The following GRWD1 variants were observed in gnomAD, a reference collection of about 807,000 sequenced individuals.
GRWD1 encodes glutamate-rich WD repeat-containing protein 1.
Under a neutral mutation model 45.3 loss-of-function variants are expected in GRWD1, and 29 were observed. That is an observed-to-expected ratio of 0.64 (90% confidence interval 0.48 to 0.87). The LOEUF (loss-of-function observed/expected upper bound fraction) is 0.87, where lower values mean the gene tolerates loss of function less well. Ranked by LOEUF, GRWD1 falls within the 40% of genes least tolerant of loss-of-function variation. The probability of loss-of-function intolerance (pLI) is 0.00; values close to 1 mark genes in which losing one functional copy is unlikely to be tolerated. For synonymous variants in GRWD1, 262 were observed against 257.6 expected (o/e 1.02, Z -0.16); for missense variants, 592 against 618.8 (o/e 0.96, Z 0.46).
At position 48,450,974 on chromosome 19, in the gene GRWD1, C is replaced by T. The variant is rs867878115; in HGVS notation, c.826-60C>T. 21 of 1,550,800 alleles carry T rather than the reference C, an allele frequency of 1.4e-5. No homozygotes were observed. The highest frequency in any genetic ancestry group is 9.2e-5 in the South Asian group (8 of 87,146). ...GAAAGAGAGAGTAGCCCACCGCTGGCGCTTGGGCTTCACTGCGGGCTGGGG... is the reference window on the plus strand; with the variant it reads ...GAAAGAGAGAGTAGCCCACCGCTGGTGCTTGGGCTTCACTGCGGGCTGGGG... On this transcript the variant is annotated intron_variant, in intron 5 of 6. Coordinates refer to ENST00000253237, the MANE Select transcript of GRWD1 (RefSeq NM_031485.4). This position sits in a 1 kb window ranked among gnomAD's most constrained non-coding sequence, Gnocchi z 5.1.
rs537803037 is a variant in GRWD1, at chr19:48,446,270, A to C, written c.187+78A>C. ...AACCTGAGAGGTGCTCGGGAAGAGA[A>C]GGCTGGGGTCTAAGAGAAGTGATTT... is the stretch of plus-strand genomic sequence containing the variant. On this transcript the variant is annotated intron_variant, in intron 1 of 6. Transcript: ENST00000253237. 29 of 1,564,200 alleles carry C rather than the reference A, an allele frequency of 1.9e-5. No individual in the cohort carries two copies. The East Asian group carries it at 6.5e-4, about 35-fold the overall frequency.
intron 1 of GRWD1, 69 bp from the exon 2 acceptor site, chr19:48,446,316 C>T: frequency 6.4e-7 from 1 of 1,561,166 alleles, no homozygotes; most frequent in Non-Finnish European, 8.8e-7. Flanking sequence ...GCGGTTGATC[C>T]ATGAGGGAGG....
intron 6 of GRWD1, among the ~76,000 whole-genome samples, chr19:48,451,670 G>A (rs1189867350): frequency 3.3e-5 from 5 of 152,204 alleles, no homozygotes; most frequent in Non-Finnish European, 7.3e-5. Flanking sequence ...CCAAGCTAGA[G>A]GTTGACATTG....
rs1971467076 is a variant in GRWD1 at position 48,450,861 on chromosome 19, G to A, written c.825+53G>A. 4 of 1,568,752 alleles carry A rather than the reference G, an allele frequency of 2.5e-6. No individual in the cohort carries two copies. Among genetic ancestry groups the A allele is most frequent in the Non-Finnish European group, 3.5e-6 (4 of 1,151,462 alleles). ...TAGTTCTGATGGATTCTAGGCCAGG[G>A]ACCTAGAATCCTAGGTCTGAGGGAA... On this transcript the variant is annotated intron_variant, in intron 5 of 6. Transcript: ENST00000253237. This position sits in a 1 kb window ranked among gnomAD's most constrained non-coding sequence, Gnocchi z 5.1.
intron 3 of GRWD1, among the ~76,000 whole-genome samples, chr19:48,447,070 CATTTTT>C (rs1569077782): frequency 4.8e-5 from 6 of 124,106 alleles, no homozygotes; most frequent in Non-Finnish European, 8.1e-5. Flanking sequence ...GTGCCTGGCC[CATTTTT>C]TTTTTTTTTT....
In GRWD1 at chr19:48,446,793, C is replaced by T; in HGVS notation, c.418C>T (p.Gln140Ter). 6.2e-7 allele frequency: 1 copy of T among 1,614,116 alleles called. No individual in the cohort carries two copies. The highest frequency in any genetic ancestry group is 8.5e-7 in the Non-Finnish European group (1 of 1,180,020). Residue 140 changes from glutamine (Q) to a stop codon, truncating the protein, a stop_gained, in exon 3 of 7, where the codon CAG becomes TAG. Transcript: ENST00000253237. LOFTEE classifies it high-confidence loss of function. ...DEEDEEERKP[Q>*]LELAMVPHYG... ...AGAGGATGAAGAAGAGCGGAAACCTCAGCTGGAGCTGGCCATGGTGCCCCA... is the reference window on the plus strand; with the variant it reads ...AGAGGATGAAGAAGAGCGGAAACCTTAGCTGGAGCTGGCCATGGTGCCCCA...
Position 48,452,450 on chromosome 19 carries a change from G to A in GRWD1, c.1024-258G>A, listed in dbSNP as rs1188140174. 6.6e-6 allele frequency among the ~76,000 whole-genome samples: 1 copy of A among 152,126 alleles called. No individual in the cohort carries two copies. Among genetic ancestry groups the A allele is most frequent in the East Asian group, 1.9e-4 (1 of 5,188 alleles). ...CAGGCAGGCAGAGGGAAGAGCAGGG[G>A]CGGGGGTTTTGCTACCTGAGCTGGG... On this transcript the variant is annotated intron_variant, in intron 6 of 6. Coordinates refer to ENST00000253237, the MANE Select transcript of GRWD1 (RefSeq NM_031485.4). This position sits in a 1 kb window ranked among gnomAD's most constrained non-coding sequence, Gnocchi z 5.1.
Position 48,446,093 on chromosome 19 carries a change from G to A in GRWD1, c.88G>A (p.Ala30Thr). 6.3e-7 allele frequency: 1 copy of A among 1,595,278 alleles called. No individual in the cohort carries two copies. The highest frequency in any genetic ancestry group is 1.8e-4 in the Middle Eastern group (1 of 5,444). ...ESGDTSSEGP[A>T]QVYLPGRGPP... ...CGGCGACACAAGTTCCGAGGGCCCG[G>A]CCCAGGTCTACCTGCCCGGCCGGGG... is the stretch of plus-strand genomic sequence containing the variant. The change falls in exon 1 of 7, where the codon GCC becomes ACC. Residue 30 changes from alanine (A) to threonine (T), a missense_variant. Physicochemically the swap from Ala to Thr is moderately conservative, Grantham distance 58 (BLOSUM62 0). Coordinates refer to ENST00000253237, the MANE Select transcript of GRWD1 (RefSeq NM_031485.4).
Position 48,450,668 on chromosome 19 carries a change from C to A in GRWD1, c.685C>A (p.Arg229Ser). 6.2e-7 allele frequency: 1 copy of A among 1,613,430 alleles called. No homozygotes were observed. Among genetic ancestry groups the A allele is most frequent in the Non-Finnish European group, 8.5e-7 (1 of 1,179,758 alleles). The change falls in exon 5 of 7, where the codon CGC (arginine) becomes AGC (serine). Residue 229 changes from arginine to serine, a missense_variant and splice_region_variant. Arg to Ser is a moderately radical substitution (Grantham distance 110). Transcript: ENST00000253237. This position sits in a 1 kb window ranked among gnomAD's most constrained non-coding sequence, Gnocchi z 5.1. ...CATTTCCTGACTCCCTTCCCCAGGT[C>A]GCCTGCTGACCGGTGACTGTCAAAA... ...ALDWSPRVTG[R>S]LLTGDCQKNI...
chr19:48,450,185 A>G lies in GRWD1; in HGVS notation c.469-128A>G. The stretch of plus-strand genomic sequence containing the variant: ...TCCCACAGAGGTTTCAAGGAGCTGT[A>G]GTCCCAGGCCTGGGAGATCTGAGGA... On this transcript the variant is annotated intron_variant, in intron 3 of 6. Coordinates refer to ENST00000253237, the MANE Select transcript of GRWD1 (RefSeq NM_031485.4). This position sits in a 1 kb window ranked among gnomAD's most constrained non-coding sequence, Gnocchi z 5.1. The G allele has an allele frequency of 1.7e-6, 1 of 597,848 alleles. No homozygotes were observed. Among genetic ancestry groups the G allele is most frequent in the Non-Finnish European group, 2.9e-6 (1 of 341,284 alleles). 37.0% of individuals were successfully genotyped at this position (597,848 alleles called of 1,614,324 possible). A position where few individuals can be genotyped will look rare whatever the true frequency, so the allele number is the denominator to read the frequency against.
At chr19:48,448,664 G>T (rs1307053007) in intron 3 of GRWD1, among the ~76,000 whole-genome samples, 1 of 152,196 alleles carries the variant, frequency 6.6e-6, no homozygotes, top group Non-Finnish European at 1.5e-5. Flanking sequence ...AGGTAGTGGG[G>T]CAGTGAACCC....
chr19:48,450,089 C>T lies in GRWD1; in HGVS notation c.469-224C>T, dbSNP rs1382856625. 6.6e-6 allele frequency among the ~76,000 whole-genome samples: 1 copy of T among 151,978 alleles called. No individual in the cohort carries two copies. The highest frequency in any genetic ancestry group is 1.5e-5 in the Non-Finnish European group (1 of 67,984). On this transcript the variant is annotated intron_variant, in intron 3 of 6. Coordinates refer to ENST00000253237, the MANE Select transcript of GRWD1 (RefSeq NM_031485.4). This position sits in a 1 kb window ranked among gnomAD's most constrained non-coding sequence, Gnocchi z 5.1. ...GGCTCTATCCTCCCACCTCAGCTCC[C>T]CCACCCACTCCCACCCCCTGTGGAG...
chr19:48,449,295 T>C (rs1255203059), intron 3 of GRWD1, among the ~76,000 whole-genome samples: 5 of 152,288 alleles, frequency 3.3e-5, no homozygotes, highest in African/African-American at 1.2e-4. Flanking sequence ...GGTTTCATCA[T>C]GTTGGCCAGG....
chr19:48,452,750 G>T lies in GRWD1; in HGVS notation c.1066G>T (p.Val356Leu), dbSNP rs765966446. The T allele has an allele frequency of 2.5e-6, 4 of 1,597,706 alleles. No individual in the cohort carries two copies. In the African/African-American group the frequency reaches 5.4e-5, roughly 21 times the overall value. The change falls in exon 7 of 7, where the codon GTG becomes TTG. Residue 356 changes from valine (V) to leucine (L), a missense_variant. Transcript: ENST00000253237. This position sits in a 1 kb window ranked among gnomAD's most constrained non-coding sequence, Gnocchi z 5.1. ...VATFKQHVAP[V>L]TSVEWHPQDS... Reference sequence around the variant, plus strand: ...CACCTTCAAGCAGCACGTGGCCCCCGTGACCTCCGTCGAGTGGCACCCCCA... The same window carrying T: ...CACCTTCAAGCAGCACGTGGCCCCCTTGACCTCCGTCGAGTGGCACCCCCA...
chr19:48,446,713 G>A lies in GRWD1; in HGVS notation c.338G>A (p.Gly113Glu). Residue 113 changes from glycine to glutamate, a missense_variant, in exon 3 of 7, where the codon GGG (glycine) becomes GAG (glutamate). Physicochemically the swap from Gly to Glu is moderately conservative, Grantham distance 98. Transcript: ENST00000253237. Reference protein sequence around the residue: ...LMMLRMHNLHGTKPPPSEGSD... With the variant: ...LMMLRMHNLHETKPPPSEGSD... ...ATGCTTCGGATGCACAATCTGCATG[G>A]GACAAAGCCCCCACCCTCAGAGGGC... 1 of 1,609,038 alleles carries A rather than the reference G, an allele frequency of 6.2e-7. No homozygotes were observed. The highest frequency in any genetic ancestry group is 8.5e-7 in the Non-Finnish European group (1 of 1,177,494).
Position 48,453,114 on chromosome 19 carries a change from C to A in GRWD1, c.*89C>A. The A allele has an allele frequency of 1.6e-6, 2 of 1,213,496 alleles. No homozygotes were observed. The highest frequency in any genetic ancestry group is 2.3e-6 in the Non-Finnish European group (2 of 874,470). The allele number at this position is 1,213,496 out of a possible 1,614,324, so 75.2% of individuals were successfully genotyped here. On this transcript the variant is annotated 3_prime_UTR_variant, in exon 7 of 7. Transcript: ENST00000253237. ...GAAGGGGTTCATTCAGGTCTGTTGACTGAGACTGGCCGGCCTGTGGGCTGC... is the reference window on the plus strand; with the variant it reads ...GAAGGGGTTCATTCAGGTCTGTTGAATGAGACTGGCCGGCCTGTGGGCTGC...
In GRWD1 at chr19:48,450,569, G is replaced by C. The variant is rs1971461213; in HGVS notation, c.682+43G>C. 1.2e-6 allele frequency: 2 copies of C among 1,611,176 alleles called. No homozygotes were observed. The highest frequency in any genetic ancestry group is 1.7e-5 in the Admixed American group (1 of 59,940). On this transcript the variant is annotated intron_variant, in intron 4 of 6. Coordinates refer to ENST00000253237, the MANE Select transcript of GRWD1 (RefSeq NM_031485.4). This position sits in a 1 kb window ranked among gnomAD's most constrained non-coding sequence, Gnocchi z 5.1. ...TCAGGAGTCCCGGGAGGTCGGGGGA[G>C]CAGGGTCTGCAACAAGGGGCCGGGC...
Position 48,450,272 on chromosome 19 carries a change from C to T in GRWD1, c.469-41C>T. On this transcript the variant is annotated intron_variant, in intron 3 of 6. Coordinates refer to ENST00000253237, the MANE Select transcript of GRWD1 (RefSeq NM_031485.4). This position sits in a 1 kb window ranked among gnomAD's most constrained non-coding sequence, Gnocchi z 5.1. The stretch of plus-strand genomic sequence containing the variant: ...GGGTCAGTGCCTTGATCCTCCTCTC[C>T]CCTCGCTTCACATCACCCTTCCCCC... 1 of 1,514,506 alleles carries T rather than the reference C, an allele frequency of 6.6e-7. No individual in the cohort carries two copies. The highest frequency in any genetic ancestry group is 9.0e-7 in the Non-Finnish European group (1 of 1,107,134). 93.8% of individuals were successfully genotyped at this position (1,514,506 alleles called of 1,614,324 possible).
Position 48,450,883 on chromosome 19 carries a change from G to T in GRWD1, c.825+75G>T, listed in dbSNP as rs1159305748. On this transcript the variant is annotated intron_variant, in intron 5 of 6. Coordinates refer to ENST00000253237, the MANE Select transcript of GRWD1 (RefSeq NM_031485.4). The surrounding 1 kb of genome is among the most constrained non-coding windows in gnomAD (Gnocchi z 5.1). ...AGGGACCTAGAATCCTAGGTCTGAGGGAAAAGAGGGCTGGGAGCCTGACGG... is the reference window on the plus strand; with the variant it reads ...AGGGACCTAGAATCCTAGGTCTGAGTGAAAAGAGGGCTGGGAGCCTGACGG... 3.9e-6 allele frequency: 6 copies of T among 1,531,642 alleles called. No individual in the cohort carries two copies. The African/African-American group carries it at 8.3e-5, about 21-fold the overall frequency. The allele number at this position is 1,531,642 out of a possible 1,614,324, so 94.9% of individuals were successfully genotyped here. A position where few individuals can be genotyped will look rare whatever the true frequency, so the allele number is the denominator to read the frequency against.
Sources: allele counts gnomAD v4.1 joint callset (sites outside exome capture counted in the v4.1 genomes callset), GRCh38; gene constraint gnomAD v4.1.1; non-coding constraint Gnocchi (gnomAD v3.1); transcripts MANE v1.5; gene names NCBI Gene and HGNC (gene_info 2026-07-23, HGNC 2026-07-21).